The following RUNX1T1 variants were observed in gnomAD, a reference collection of about 807,000 sequenced individuals.
RUNX1T1 encodes the protein protein CBFA2T1.
Under a neutral mutation model 62.8 loss-of-function variants are expected in RUNX1T1, and 4 were observed. That is an observed-to-expected ratio of 0.06 (90% CI 0.03 to 0.15). The LOEUF (loss-of-function observed/expected upper bound fraction) is 0.15, where lower values mean the gene tolerates loss of function less well. Ranked by LOEUF, RUNX1T1 falls within the 10% of genes least tolerant of loss-of-function variation. The pLI is 1.00. For missense variants in RUNX1T1, 508 were observed against 754.3 expected (o/e 0.67, Z 3.82); for synonymous variants, 291 against 286.0 (o/e 1.02, Z -0.18).
chr8:92,042,900 G>A (rs796369742), intron 1 of RUNX1T1, among the ~76,000 whole-genome samples: 7 of 152,264 alleles, frequency 4.6e-5, no homozygotes, highest in African/African-American at 1.7e-4. Context: ...GCCCTGAGCT[G>A]TGTTTGGATT....
At chr8:92,090,956 G>T (rs886392994) in intron 1 of RUNX1T1, among the ~76,000 whole-genome samples, 1 of 152,124 alleles carries the variant, frequency 6.6e-6, no homozygotes, top group Non-Finnish European at 1.5e-5. Context: ...CTCATAGTAG[G>T]TCTCTAGTAT....
chr8:92,088,634 A>G (rs1836506525), intron 1 of RUNX1T1, among the ~76,000 whole-genome samples: 1 of 152,144 alleles, frequency 6.6e-6, no homozygotes, highest in Non-Finnish European at 1.5e-5. Flanking sequence ...CTCCTCACTA[A>G]GAGTTACTAG....
At chr8:91,960,117 T>A in exon 11 of RUNX1T1, 1 of 988,022 alleles carries the variant, frequency 1.0e-6, no homozygotes, top group Admixed American at 2.4e-5. Context: ...CTTGCTGAAG[T>A]ACTGAAATAG....
At chr8:92,047,324 C>G (rs1478089481) in intron 1 of RUNX1T1, among the ~76,000 whole-genome samples, 1 of 152,110 alleles carries the variant, frequency 6.6e-6, no homozygotes, top group Non-Finnish European at 1.5e-5. Context: ...TCAAAAGTCC[C>G]TTCTCAAAGA....
At chr8:91,970,599 T>G in intron 10 of RUNX1T1, 59 bp downstream of exon 11, 12 of 1,393,834 alleles carry the variant, frequency 8.6e-6, no homozygotes, top group Non-Finnish European at 1.2e-5. Flanking sequence ...GAATGAAGAA[T>G]GAGCACTCTA....
intron 1 of RUNX1T1, among the ~76,000 whole-genome samples, chr8:92,098,388 T>C (rs1324823528): frequency 6.6e-6 from 1 of 152,234 alleles, no homozygotes; most frequent in Non-Finnish European, 1.5e-5. Context: ...TTTTCCAATG[T>C]TTTATATGCA....
intron 1 of RUNX1T1, among the ~76,000 whole-genome samples, chr8:92,062,115 C>G (rs1383172617): frequency 1.3e-5 from 2 of 152,142 alleles, no homozygotes; most frequent in Non-Finnish European, 2.9e-5. Flanking sequence ...CTGACATAAA[C>G]AGCTTTTTAA....
In RUNX1T1 at chr8:91,960,369, G is replaced by T. The variant is rs758240588; in HGVS notation, c.1607C>A (p.Thr536Lys). The T allele has an allele frequency of 5.6e-6, 9 of 1,613,984 alleles. No homozygotes were observed. In the African/African-American group the frequency reaches 1.2e-4, roughly 22 times the overall value. ...CGTGACAGAGGAGCTGACTGCAGGT[G>T]TGTCTCCCTGCTGCTGGGCCTGCAG... The change falls in exon 11 of 11, where the codon ACA becomes AAA. Residue 536 changes from threonine to lysine, a missense_variant. This residue lies in a region of RUNX1T1 where 64 missense variants were observed against 63.0 expected (regional missense o/e 1.02). Transcript: ENST00000396218.
intron 10 of RUNX1T1, among the ~76,000 whole-genome samples, chr8:91,969,565 A>G (rs1812344572): frequency 6.6e-6 from 1 of 152,238 alleles, no homozygotes; most frequent in Non-Finnish European, 1.5e-5. Flanking sequence ...TAATTGAACA[A>G]TGGAAAAGTC....
intron 8 of RUNX1T1, among the ~76,000 whole-genome samples, chr8:91,985,676 T>A (rs1292407680): frequency 2.6e-5 from 4 of 152,128 alleles, no homozygotes; most frequent in Non-Finnish European, 5.9e-5. Flanking sequence ...AACAAGATTG[T>A]CTTACAGGCT....
chr8:91,990,466 A>T (rs1007868471), intron 6 of RUNX1T1, among the ~76,000 whole-genome samples: 1 of 152,172 alleles, frequency 6.6e-6, no homozygotes, highest in Non-Finnish European at 1.5e-5. Flanking sequence ...CTCATCACTA[A>T]TTAGGAATTG....
chr8:92,097,290 A>G (rs946802177), intron 1 of RUNX1T1, among the ~76,000 whole-genome samples: 2 of 152,230 alleles, frequency 1.3e-5, no homozygotes, highest in African/African-American at 4.8e-5. Context: ...GGCTGGCTAC[A>G]TTACAAAATC....
chr8:91,978,282 T>C (rs1422221470), intron 8 of RUNX1T1, among the ~76,000 whole-genome samples: 1 of 152,174 alleles, frequency 6.6e-6, no homozygotes, highest in Admixed American at 6.5e-5. Context: ...ATGTCTCAGA[T>C]GCCTCATCTA....
At chr8:91,978,212 G>T (rs1814407497) in intron 8 of RUNX1T1, among the ~76,000 whole-genome samples, 1 of 152,176 alleles carries the variant, frequency 6.6e-6, no homozygotes, top group African/African-American at 2.4e-5. Flanking sequence ...AAGAAAGTTA[G>T]TTCTAGCACC....
rs763324360 is a variant in RUNX1T1 at position 92,029,482 on chromosome 8, T to C, written c.8-12119A>G. On this transcript the variant is annotated intron_variant, in intron 1 of 10. Coordinates refer to ENST00000396218, the Ensembl canonical transcript of RUNX1T1. ...GCTCAGTAAGATGCCCTCGAATAAG[T>C]AGGAACCGAGAGGTGCATGGTGATG... Among the ~76,000 whole-genome samples the C allele has an allele frequency of 1.3e-4, 20 of 152,206 alleles. No homozygotes were observed. In the South Asian group the frequency reaches 2.7e-3, roughly 21 times the overall value.
intron 1 of RUNX1T1, among the ~76,000 whole-genome samples, chr8:92,027,141 C>CAA (rs369908535): frequency 2.1e-4 from 31 of 145,566 alleles, no homozygotes; most frequent in African/African-American, 7.5e-4. Flanking sequence ...AAAAGAAAAA[C>CAA]AAACAAACAA....
rs1333656940 is a variant in RUNX1T1, at chr8:92,010,992, T to C, written c.477+10A>G. 6.7e-7 allele frequency: 1 copy of C among 1,493,868 alleles called. No individual in the cohort carries two copies. Among genetic ancestry groups the C allele is most frequent in the Non-Finnish European group, 9.3e-7 (1 of 1,070,706 alleles). 92.5% of individuals were successfully genotyped at this position (1,493,868 alleles called of 1,614,324 possible). A position where few individuals can be genotyped will look rare whatever the true frequency, so the allele number is the denominator to read the frequency against. ...TAAAATACTTTACAGACCAGTGAAC[T>C]GTGCAATACCTTCAAAAATGGGATG... is the stretch of plus-strand genomic sequence containing the variant. On this transcript the variant is annotated intron_variant, in intron 4 of 10. Transcript: ENST00000396218.
At chr8:92,006,630 C>G (rs149205444) in intron 4 of RUNX1T1, 4 of 151,566 alleles carry the variant, frequency 2.6e-5, no homozygotes, top group Admixed American at 1.3e-4. Flanking sequence ...AAGTTTCTGG[C>G]CTATATCATT....
intron 10 of RUNX1T1, among the ~76,000 whole-genome samples, chr8:91,969,892 C>T (rs565984481): frequency 1.3e-5 from 2 of 152,196 alleles, no homozygotes; most frequent in South Asian, 4.1e-4. Flanking sequence ...GGTTAAGGAT[C>T]GTGATGCTAT....
Sources: gnomAD v4.1 joint callset for allele counts (sites outside exome capture counted in the v4.1 genomes callset) on GRCh38, gnomAD v4.1.1 for gene constraint, gnomAD v4.1.1 regional missense constraint, MANE v1.5 for transcripts, NCBI Gene and HGNC (gene_info 2026-07-23, HGNC 2026-07-21) for gene names.